DAB1: variants seen among roughly 807,000 people sequenced by gnomAD.
DAB1 encodes DAB adaptor protein 1, also known as disabled homolog 1.
DAB1 carries 15 observed loss-of-function variants against 64.6 expected under a neutral mutation model. The observed-to-expected ratio is 0.23, with a 90% confidence interval of 0.16 to 0.36. The LOEUF (loss-of-function observed/expected upper bound fraction) is 0.36, where lower values mean the gene tolerates loss of function less well. Ranked by LOEUF, DAB1 falls within the 10% of genes least tolerant of loss-of-function variation. DAB1 has a pLI of 1.00. For synonymous variants in DAB1, 235 were observed against 251.9 expected (o/e 0.93, Z 0.64); for missense variants, 596 against 706.7 (o/e 0.84, Z 1.78).
chr1:57,575,708 C>T (rs956548007), intron 7 of DAB1, among the ~76,000 whole-genome samples: 1 of 152,188 alleles, frequency 6.6e-6, no homozygotes, highest in South Asian at 2.1e-4. Flanking sequence ...ACTGTCTAAT[C>T]CCCTCAAACT....
At chr1:57,371,561 T>C (rs1338531444) in intron 1 of DAB1, among the ~76,000 whole-genome samples, 6 of 152,188 alleles carry the variant, frequency 3.9e-5, no homozygotes, top group Non-Finnish European at 4.4e-5. Flanking sequence ...ATTCACCCAC[T>C]CAATATTTAC....
chr1:58,349,483 A>C (rs1464638031), intron 3 of DAB1, among the ~76,000 whole-genome samples: 1 of 151,864 alleles, frequency 6.6e-6, no homozygotes, highest in Non-Finnish European at 1.5e-5. Context: ...ATGATATTTT[A>C]AGTTCGGGGT....
chr1:57,915,964 A>G (rs1295373062), intron 5 of DAB1, among the ~76,000 whole-genome samples: 1 of 152,196 alleles, frequency 6.6e-6, no homozygotes, highest in Non-Finnish European at 1.5e-5. Flanking sequence ...TGTCCCTAAA[A>G]TAGGGCCCAA....
chr1:57,011,326 G>T (rs1457174633), intron 12 of DAB1, 54 bp from the exon 13 acceptor site: 9 of 1,587,762 alleles, frequency 5.7e-6, no homozygotes, highest in Non-Finnish European at 7.7e-6. Flanking sequence ...TGCCATGAAT[G>T]TATCCCAAAG....
At chr1:57,387,640 G>A (rs115084913) in intron 1 of DAB1, among the ~76,000 whole-genome samples, 8,675 of 151,976 alleles carry the variant, frequency 0.057, 783 homozygotes, top group African/African-American at 0.19. Flanking sequence ...TGACCGATGT[G>A]GTGAAGCCCC....
chr1:58,316,573 A>T (rs1662563093), intron 4 of DAB1, among the ~76,000 whole-genome samples: 1 of 152,022 alleles, frequency 6.6e-6, no homozygotes, highest in South Asian at 2.1e-4. Flanking sequence ...GAAAAAGAGG[A>T]GTATGGTGAG....
At chr1:57,718,182 A>G (rs1647107492) in intron 6 of DAB1, among the ~76,000 whole-genome samples, 1 of 152,206 alleles carries the variant, frequency 6.6e-6, no homozygotes, top group Admixed American at 6.5e-5. Flanking sequence ...AAGAAATGAT[A>G]AATATTTAAG....
At chr1:57,876,210 T>G (rs2101963739) in intron 1 of DAB1, 1 of 152,350 alleles carries the variant, frequency 6.6e-6, no homozygotes, top group South Asian at 2.1e-4. Context: ...TCTTCAACTG[T>G]GCAGGGAAAG....
At chr1:57,271,657 C>G (rs1671011153) in intron 2 of DAB1, among the ~76,000 whole-genome samples, 1 of 152,172 alleles carries the variant, frequency 6.6e-6, no homozygotes, top group South Asian at 2.1e-4. Context: ...AGCTACTGTA[C>G]TAGAGGTCAG....
At chr1:58,401,811 A>G (rs1408548336) in intron 3 of DAB1, among the ~76,000 whole-genome samples, 1 of 152,206 alleles carries the variant, frequency 6.6e-6, no homozygotes, top group South Asian at 2.1e-4. Context: ...GTTGTAACTG[A>G]TGTCTTTTTA....
chr1:57,979,758 G>A (rs907594731), intron 5 of DAB1, among the ~76,000 whole-genome samples: 2 of 152,116 alleles, frequency 1.3e-5, no homozygotes, highest in African/African-American at 2.4e-5. Context: ...TTACTCATCT[G>A]TAAAATGGGG....
chr1:57,580,194 C>T (rs577665779), intron 7 of DAB1, among the ~76,000 whole-genome samples: 5 of 152,206 alleles, frequency 3.3e-5, no homozygotes, highest in African/African-American at 1.2e-4. Flanking sequence ...CAGACTTCAT[C>T]GGCTTCTCAA....
At chr1:58,461,071 G>C (rs1296046108) in intron 3 of DAB1, among the ~76,000 whole-genome samples, 1 of 152,170 alleles carries the variant, frequency 6.6e-6, no homozygotes, top group East Asian at 1.9e-4. Flanking sequence ...AGTTTCACTG[G>C]TTATCCCAGT....
intron 6 of DAB1, among the ~76,000 whole-genome samples, chr1:57,703,190 G>A (rs1311101947): frequency 6.6e-6 from 1 of 152,072 alleles, no homozygotes; most frequent in African/African-American, 2.4e-5. Flanking sequence ...TTGATAAATG[G>A]GATCTAATTA....
intron 1 of DAB1, chr1:57,864,647 TAA>T (rs1182262173): frequency 6.7e-6 from 1 of 148,942 alleles, no homozygotes; most frequent in African/African-American, 2.4e-5. Context: ...TCTTATTTTT[TAA>T]AAAAATTTAT....
chr1:57,200,835 C>T (rs1665036267), intron 2 of DAB1, among the ~76,000 whole-genome samples: 1 of 152,124 alleles, frequency 6.6e-6, no homozygotes, highest in African/African-American at 2.4e-5. Context: ...CAATTTCATG[C>T]AAAATTATTA....
intron 7 of DAB1, among the ~76,000 whole-genome samples, chr1:57,438,659 T>G (rs1685789635): frequency 6.6e-6 from 1 of 152,188 alleles, no homozygotes; most frequent in South Asian, 2.1e-4. Flanking sequence ...CATCTGTCTG[T>G]CCTGTCTATC....
At chr1:57,544,600 C>T in intron 7 of DAB1, among the ~76,000 whole-genome samples, 1 of 152,282 alleles carries the variant, frequency 6.6e-6, no homozygotes, top group East Asian at 1.9e-4. Context: ...GACTTCATGC[C>T]TGATATGGTT....
rs74382176 is a variant in DAB1, at chr1:58,057,523, C to G, written n.387+92988G>C. Among the ~76,000 whole-genome samples, 427 of 152,218 alleles carry G rather than the reference C, an allele frequency of 2.8e-3. 1 individual carries two copies. The highest frequency in any genetic ancestry group is 5.0e-3 in the Non-Finnish European group (340 of 68,006). ...TTTATAAGAAGAGAAAACCGAGACA[C>G]ACATAAGTAGAACAGCCATGTAAAG... is the stretch of plus-strand genomic sequence containing the variant. On this transcript the variant is annotated intron_variant and non_coding_transcript_variant, in intron 5 of 20. Transcript: ENST00000485760.
Sources: gnomAD v4.1 joint callset for allele counts (sites outside exome capture counted in the v4.1 genomes callset) on GRCh38, gnomAD v4.1.1 for gene constraint, MANE v1.5 for transcripts, NCBI Gene and HGNC (gene_info 2026-07-23, HGNC 2026-07-21) for gene names.